Variants in ADCY2 observed in about 807,000 individuals in gnomAD.
ADCY2 encodes adenylate cyclase 2.
ADCY2 carries 31 observed loss-of-function variants against 125.2 expected under a neutral mutation model. That is an observed-to-expected ratio of 0.25 (90% CI 0.19 to 0.33). The LOEUF (loss-of-function observed/expected upper bound fraction) is 0.33, where lower values mean the gene tolerates loss of function less well. Ranked by LOEUF, ADCY2 falls within the 10% of genes least tolerant of loss-of-function variation. The probability of loss-of-function intolerance (pLI) is 1.00; values close to 1 mark genes in which losing one functional copy is unlikely to be tolerated. For synonymous variants in ADCY2, 512 were observed against 548.4 expected (o/e 0.93, Z 0.93); for missense variants, 904 against 1,418.2 (o/e 0.64, Z 5.82).
intron 3 of ADCY2, among the ~76,000 whole-genome samples, chr5:7,616,309 A>C (rs920104503): frequency 2.0e-5 from 3 of 152,220 alleles, no homozygotes; most frequent in Non-Finnish European, 4.4e-5. Flanking sequence ...TCATATAGAA[A>C]ACTAATGATG....
At chr5:7,482,775 T>TATATATATAC (rs1396674401) in intron 2 of ADCY2, among the ~76,000 whole-genome samples, 2 of 145,202 alleles carry the variant, frequency 1.4e-5, no homozygotes, top group Non-Finnish European at 3.0e-5. Context: ...GTGATATATA[T>TATATATATAC]ATATATATAT....
chr5:7,822,711 T>C (rs989635), intron 24 of ADCY2, among the ~76,000 whole-genome samples: 82,145 of 151,872 alleles, frequency 0.54, 22,542 homozygotes, highest in Middle Eastern at 0.63. Flanking sequence ...CGTGTGTGCA[T>C]GTGTGTGTAC....
At chr5:7,731,899 G>A in intron 14 of ADCY2, among the ~76,000 whole-genome samples, 1 of 152,198 alleles carries the variant, frequency 6.6e-6, no homozygotes, top group East Asian at 1.9e-4. Flanking sequence ...CACTATGCCT[G>A]GTGGAAATAT....
At chr5:7,459,990 G>A (rs764277837) in intron 2 of ADCY2, among the ~76,000 whole-genome samples, 7 of 151,678 alleles carry the variant, frequency 4.6e-5, no homozygotes, top group Non-Finnish European at 7.4e-5. Context: ...GTTTCACGGT[G>A]TTAGCCAGGA....
chr5:7,663,483 G>T (rs1276311865), intron 4 of ADCY2, among the ~76,000 whole-genome samples: 1 of 152,236 alleles, frequency 6.6e-6, no homozygotes, highest in East Asian at 1.9e-4. Flanking sequence ...CAGACCTCAG[G>T]ACTGTGCACT....
At chr5:7,819,127 T>C (rs1297557107) in intron 23 of ADCY2, among the ~76,000 whole-genome samples, 1 of 152,146 alleles carries the variant, frequency 6.6e-6, no homozygotes, top group African/African-American at 2.4e-5. Flanking sequence ...CACGTTCTTC[T>C]GCCTGCTTTT....
chr5:7,803,706 C>G (rs1744671433), intron 21 of ADCY2, among the ~76,000 whole-genome samples: 1 of 151,996 alleles, frequency 6.6e-6, no homozygotes, highest in African/African-American at 2.4e-5. Flanking sequence ...TGAGACCAGC[C>G]TGGGCTACAT....
intron 3 of ADCY2, among the ~76,000 whole-genome samples, chr5:7,546,228 T>C (rs1372428372): frequency 6.6e-6 from 1 of 152,214 alleles, no homozygotes; most frequent in Non-Finnish European, 1.5e-5. Flanking sequence ...ATGCTTTCTT[T>C]TAGGTCTTTA....
At chr5:7,659,881 C>A (rs765974258) in intron 4 of ADCY2, among the ~76,000 whole-genome samples, 1 of 152,122 alleles carries the variant, frequency 6.6e-6, no homozygotes, top group African/African-American at 2.4e-5. Context: ...TTGGCTATAA[C>A]CAGATGACCT....
At chr5:7,445,383 T>G (rs1346866771) in intron 2 of ADCY2, among the ~76,000 whole-genome samples, 1 of 152,240 alleles carries the variant, frequency 6.6e-6, no homozygotes, top group African/African-American at 2.4e-5. Context: ...TTTCATCGAT[T>G]TCATTTTCTT....
intron 2 of ADCY2, among the ~76,000 whole-genome samples, chr5:7,487,183 A>C (rs1449505703): frequency 1.3e-5 from 2 of 152,168 alleles, no homozygotes; most frequent in African/African-American, 4.8e-5. Flanking sequence ...CCCATGCTGG[A>C]TCTCTGGAAT....
intron 3 of ADCY2, among the ~76,000 whole-genome samples, chr5:7,524,857 T>A (rs1163026407): frequency 1.3e-5 from 2 of 152,214 alleles, no homozygotes; most frequent in Admixed American, 1.3e-4. Flanking sequence ...TTCCTCTTTA[T>A]AATTAAGACA....
At chr5:7,553,769 G>A (rs555943033) in intron 3 of ADCY2, among the ~76,000 whole-genome samples, 1 of 152,312 alleles carries the variant, frequency 6.6e-6, no homozygotes, top group South Asian at 2.1e-4. Context: ...GTCAGGGACT[G>A]AAGGTTTCTC....
intron 11 of ADCY2, among the ~76,000 whole-genome samples, chr5:7,714,397 C>T (rs961658354): frequency 6.6e-5 from 10 of 152,210 alleles, no homozygotes; most frequent in Non-Finnish European, 1.0e-4. Context: ...CGTGGGGCAG[C>T]GTAAGCCGGG....
At chr5:7,624,380 T>C (rs1738055305) in intron 3 of ADCY2, among the ~76,000 whole-genome samples, 1 of 152,116 alleles carries the variant, frequency 6.6e-6, no homozygotes, top group South Asian at 2.1e-4. Flanking sequence ...CCCCTGAGTT[T>C]ACCCATCTTT....
chr5:7,481,393 A>G (rs924115238), intron 2 of ADCY2, among the ~76,000 whole-genome samples: 1 of 151,954 alleles, frequency 6.6e-6, no homozygotes, highest in Non-Finnish European at 1.5e-5. Flanking sequence ...CAGCTTCCTG[A>G]GCAGCTGGGA....
chr5:7,481,484 G>A (rs1742729049), intron 2 of ADCY2, among the ~76,000 whole-genome samples: 2 of 151,450 alleles, frequency 1.3e-5, no homozygotes, highest in Admixed American at 1.3e-4. Context: ...AGTCAGGATG[G>A]TCTCGATCTC....
intron 7 of ADCY2, 108 bp downstream of exon 7, chr5:7,698,482 C>T (rs979149219): frequency 2.1e-5 from 24 of 1,166,590 alleles, no homozygotes; most frequent in Non-Finnish European, 3.0e-5. Context: ...TGTTGGTTTC[C>T]TGCACCCATC....
intron 15 of ADCY2, among the ~76,000 whole-genome samples, chr5:7,746,655 A>G (rs1742634823): frequency 2.6e-5 from 4 of 152,236 alleles, no homozygotes. Flanking sequence ...TATGAATTAA[A>G]TACTGAGTTT....
Sources: allele counts gnomAD v4.1 joint callset (sites outside exome capture counted in the v4.1 genomes callset), GRCh38; gene constraint gnomAD v4.1.1; transcripts MANE v1.5; gene names NCBI Gene and HGNC (gene_info 2026-07-23, HGNC 2026-07-21).